SHC3: variants seen among roughly 807,000 people sequenced by gnomAD.
SHC3 encodes SHC-transforming protein 3.
Under a neutral mutation model 60.4 loss-of-function variants are expected in SHC3, and 15 were observed. The ratio of observed to expected loss-of-function variants is 0.25; its 90% CI spans 0.17 to 0.38. SHC3 has a LOEUF of 0.38. Ranked by LOEUF, SHC3 falls within the 10% of genes least tolerant of loss-of-function variation. The probability of loss-of-function intolerance (pLI) is 1.00; values close to 1 mark genes in which losing one functional copy is unlikely to be tolerated. For missense variants in SHC3, 677 were observed against 786.1 expected (o/e 0.86, Z 1.66); for synonymous variants, 294 against 325.9 (o/e 0.90, Z 1.05).
At chr9:89,043,271 T>A (rs1250797762) in intron 9 of SHC3, among the ~76,000 whole-genome samples, 1 of 152,206 alleles carries the variant, frequency 6.6e-6, no homozygotes, top group East Asian at 1.9e-4. Flanking sequence ...ATTCCCTCGC[T>A]GGGGAGCACC....
chr9:89,016,903 A>T (rs930934741), intron 11 of SHC3, among the ~76,000 whole-genome samples: 9 of 152,178 alleles, frequency 5.9e-5, no homozygotes, highest in African/African-American at 1.9e-4. Flanking sequence ...AAAGAAGAAA[A>T]ATCACATGAT....
intron 1 of SHC3, 45 bp downstream of exon 1, chr9:89,177,942 G>A (rs1826966811): frequency 1.7e-6 from 2 of 1,186,278 alleles, no homozygotes; most frequent in East Asian, 3.5e-5. Flanking sequence ...CCCCGAACTG[G>A]CCCCAGAACC....
At chr9:89,058,201 ATGGAGGATGGTGGTGGAGGACATGG>A (rs1029729119) in intron 6 of SHC3, among the ~76,000 whole-genome samples, 3 of 152,114 alleles carry the variant, frequency 2.0e-5, no homozygotes, top group African/African-American at 4.8e-5. Flanking sequence ...AACAAAGAAG[ATGGAGGATGGTGGTGGAGGACATGG>A]TGGAGGATGG....
chr9:89,173,482 T>G (rs1252701185), intron 1 of SHC3, among the ~76,000 whole-genome samples: 2 of 152,272 alleles, frequency 1.3e-5, no homozygotes, highest in African/African-American at 4.8e-5. Flanking sequence ...CTTTATAGGA[T>G]GGAAGTTTTG....
intron 7 of SHC3, among the ~76,000 whole-genome samples, chr9:89,050,581 C>T (rs777162800): frequency 6.6e-6 from 1 of 152,162 alleles, no homozygotes; most frequent in Non-Finnish European, 1.5e-5. Flanking sequence ...CCACTGTGCC[C>T]GGCCTTGTGT....
chr9:89,060,443 G>A (rs1407361891), intron 6 of SHC3, among the ~76,000 whole-genome samples: 2 of 152,062 alleles, frequency 1.3e-5, no homozygotes, highest in South Asian at 2.1e-4. Flanking sequence ...CCCTAGAGGC[G>A]GCACTGGAGA....
intron 2 of SHC3, among the ~76,000 whole-genome samples, chr9:89,111,257 T>C (rs558929046): frequency 2.0e-5 from 3 of 152,296 alleles, no homozygotes; most frequent in Admixed American, 2.0e-4. Flanking sequence ...CAATTGACTG[T>C]CATTCCTTTA....
chr9:89,050,465 T>A (rs1404664123), intron 7 of SHC3, among the ~76,000 whole-genome samples: 1 of 152,174 alleles, frequency 6.6e-6, no homozygotes, highest in Admixed American at 6.5e-5. Flanking sequence ...TTTGTATTTT[T>A]AGTAGAGACG....
intron 2 of SHC3, among the ~76,000 whole-genome samples, chr9:89,086,270 C>A (rs1334768088): frequency 6.6e-6 from 1 of 152,142 alleles, no homozygotes; most frequent in Non-Finnish European, 1.5e-5. Context: ...CAATCTCAGT[C>A]CCACAGGGGT....
intron 8 of SHC3, among the ~76,000 whole-genome samples, chr9:89,046,602 C>G (rs1824778918): frequency 6.6e-6 from 1 of 152,050 alleles, no homozygotes; most frequent in Admixed American, 6.6e-5. Context: ...CAGAGGACAC[C>G]CCCAGACTCA....
chr9:89,081,562 G>A (rs1825445219), intron 2 of SHC3, among the ~76,000 whole-genome samples: 1 of 151,112 alleles, frequency 6.6e-6, no homozygotes, highest in South Asian at 2.1e-4. Context: ...TCTGGCCACT[G>A]TGTGACCAGA....
intron 1 of SHC3, among the ~76,000 whole-genome samples, chr9:89,156,616 G>C (rs1040170870): frequency 6.6e-6 from 1 of 152,086 alleles, no homozygotes; most frequent in Non-Finnish European, 1.5e-5. Flanking sequence ...AAGATGTTTG[G>C]TTCCCTGTAA....
At chr9:89,088,089 C>A (rs1361572630) in intron 2 of SHC3, among the ~76,000 whole-genome samples, 2 of 152,158 alleles carry the variant, frequency 1.3e-5, no homozygotes, top group African/African-American at 2.4e-5. Flanking sequence ...ATTCTGGCAC[C>A]TTTTAGGGTT....
At chr9:89,145,651 C>A (rs1366631223) in intron 1 of SHC3, among the ~76,000 whole-genome samples, 1 of 152,192 alleles carries the variant, frequency 6.6e-6, no homozygotes, top group Non-Finnish European at 1.5e-5. Context: ...GAACTGAAGA[C>A]CCAAGTCCTC....
chr9:89,136,980 G>T (rs1311077933), intron 1 of SHC3, among the ~76,000 whole-genome samples: 2 of 152,146 alleles, frequency 1.3e-5, no homozygotes, highest in Non-Finnish European at 2.9e-5. Flanking sequence ...CATGGTAGAA[G>T]GGTACAGGGG....
At chr9:89,087,057 C>T (rs1023435404) in intron 2 of SHC3, among the ~76,000 whole-genome samples, 3 of 152,208 alleles carry the variant, frequency 2.0e-5, no homozygotes, top group Non-Finnish European at 2.9e-5. Flanking sequence ...GCACACCCAT[C>T]CGCCCACATG....
At chr9:89,114,394 G>A (rs898063726) in intron 1 of SHC3, among the ~76,000 whole-genome samples, 15 of 151,122 alleles carry the variant, frequency 9.9e-5, no homozygotes, top group Admixed American at 2.0e-4. Flanking sequence ...ATGTGTGCAG[G>A]TCCCACATTC....
intron 6 of SHC3, among the ~76,000 whole-genome samples, chr9:89,063,404 A>G (rs542031999): frequency 1.6e-4 from 25 of 152,368 alleles, no homozygotes; most frequent in Admixed American, 1.5e-3. Context: ...TTGGGATTAC[A>G]GGCGTGAGCC....
chr9:89,159,156 A>G (rs1305876811), intron 1 of SHC3, among the ~76,000 whole-genome samples: 1 of 151,658 alleles, frequency 6.6e-6, no homozygotes, highest in African/African-American at 2.4e-5. Context: ...TTTAAAAAAG[A>G]GTAGTGATAT....
Sources: gnomAD v4.1 joint callset for allele counts (sites outside exome capture counted in the v4.1 genomes callset) on GRCh38, gnomAD v4.1.1 for gene constraint, MANE v1.5 for transcripts, NCBI Gene and HGNC (gene_info 2026-07-23, HGNC 2026-07-21) for gene names.